MNS1: variants seen among roughly 807,000 people sequenced by gnomAD.
MNS1 encodes meiosis specific nuclear structural 1.
MNS1 carries 63 observed loss-of-function variants against 72.0 expected under a neutral mutation model. The ratio of observed to expected loss-of-function variants is 0.87; its 90% CI spans 0.71 to 1.08. The LOEUF is 1.08. Ranked by LOEUF, MNS1 falls within the 50% of genes least tolerant of loss-of-function variation. The pLI is 0.00. For missense variants in MNS1, 604 were observed against 562.4 expected, an observed-to-expected ratio of 1.07 and a Z score of -0.75; for synonymous variants, 188 against 172.1, an observed-to-expected ratio of 1.09 and a Z score of -0.72.
At chr15:56,452,613 G>A (rs2050955170) in intron 3 of MNS1, among the ~76,000 whole-genome samples, 1 of 151,656 alleles carries the variant, frequency 6.6e-6, no homozygotes, top group African/African-American at 2.4e-5. Context: ...CCGCCTCCCA[G>A]GTTCAAGCGA....
chr15:56,435,955 G>A (rs978902773), intron 7 of MNS1, among the ~76,000 whole-genome samples: 2 of 151,968 alleles, frequency 1.3e-5, no homozygotes, highest in African/African-American at 4.8e-5. Context: ...TGACCAAGTA[G>A]TGTTTATTAC....
chr15:56,454,371 C>T (rs913890033), intron 3 of MNS1, among the ~76,000 whole-genome samples: 2 of 48,234 alleles, frequency 4.1e-5, no homozygotes, highest in Non-Finnish European at 1.0e-4. Context: ...CAATTATACT[C>T]TTTATTTTTA....
intron 3 of MNS1, among the ~76,000 whole-genome samples, chr15:56,449,361 GCT>G (rs1423291607): frequency 6.6e-6 from 1 of 151,770 alleles, no homozygotes; most frequent in East Asian, 1.9e-4. Flanking sequence ...ATATCAATGG[GCT>G]TTTTCTAATC....
chr15:56,434,158 G>C lies in MNS1; in HGVS notation c.1249C>G (p.Gln417Glu). Residue 417 changes from glutamine (Q) to glutamate (E), a missense_variant, in exon 8 of 10, where the codon CAA (glutamine) becomes GAA (glutamate). Physicochemically the swap from Gln to Glu is conservative, Grantham distance 29. Transcript: ENST00000260453. ...AVEKLIEERR[Q>E]QFLADKQREL... ...CTTACTTTGTCTGCAAGGAATTGTT[G>C]GCGACGCTCTTCAATAAGTTTTTCC... 2 of 1,611,554 alleles carry C rather than the reference G, an allele frequency of 1.2e-6. No homozygotes were observed. The highest frequency in any genetic ancestry group is 1.7e-6 in the Non-Finnish European group (2 of 1,179,180).
At chr15:56,448,864 C>G (rs1365899638) in intron 3 of MNS1, among the ~76,000 whole-genome samples, 1 of 151,440 alleles carries the variant, frequency 6.6e-6, no homozygotes, top group Non-Finnish European at 1.5e-5. Flanking sequence ...CGCGATTCTC[C>G]TGTCTCAGCC....
chr15:56,460,030 ATATATG>A (rs1567154828), intron 2 of MNS1, among the ~76,000 whole-genome samples: 2 of 106,088 alleles, frequency 1.9e-5, no homozygotes, highest in South Asian at 3.1e-4. Flanking sequence ...ATATATATAT[ATATATG>A]TGACTATAGT....
At chr15:56,453,150 T>C (rs1332326261) in intron 3 of MNS1, among the ~76,000 whole-genome samples, 5 of 152,206 alleles carry the variant, frequency 3.3e-5, no homozygotes, top group African/African-American at 1.2e-4. Flanking sequence ...GACTTTAACT[T>C]CATTTACTTC....
intron 2 of MNS1, among the ~76,000 whole-genome samples, chr15:56,456,902 T>C (rs1426010356): frequency 6.6e-6 from 1 of 152,186 alleles, no homozygotes; most frequent in African/African-American, 2.4e-5. Context: ...TAATTCAGTA[T>C]GAATATCTAC....
At chr15:56,431,920 T>C (rs1258771036) in intron 8 of MNS1, among the ~76,000 whole-genome samples, 1 of 151,904 alleles carries the variant, frequency 6.6e-6, no homozygotes, top group African/African-American at 2.4e-5. Context: ...TATATAAAGA[T>C]GATATGAAGC....
intron 7 of MNS1, among the ~76,000 whole-genome samples, chr15:56,436,501 T>G (rs889698617): frequency 1.3e-5 from 2 of 151,530 alleles, no homozygotes; most frequent in South Asian, 2.1e-4. Flanking sequence ...ACAAGAAAAA[T>G]CAGGAAAGAT....
intron 3 of MNS1, among the ~76,000 whole-genome samples, chr15:56,452,111 C>T (rs1212550296): frequency 2.0e-5 from 3 of 152,148 alleles, no homozygotes; most frequent in Admixed American, 6.5e-5. Context: ...CTCTTCTCTC[C>T]TGTTTGCTTC....
chr15:56,444,340 A>C, intron 5 of MNS1, 104 bp downstream of exon 5: 1 of 880,436 alleles, frequency 1.1e-6, no homozygotes, highest in South Asian at 1.8e-5. Context: ...TTGAGCACTT[A>C]CTATGTATTA....
intron 7 of MNS1, among the ~76,000 whole-genome samples, chr15:56,437,165 AAG>A (rs1349221651): frequency 4.6e-5 from 7 of 152,324 alleles, no homozygotes; most frequent in African/African-American, 1.7e-4. Flanking sequence ...CCACAAAAAA[AAG>A]AGAATTTAAG....
At chr15:56,452,333 C>A (rs1347274244) in intron 3 of MNS1, among the ~76,000 whole-genome samples, 2 of 152,062 alleles carry the variant, frequency 1.3e-5, no homozygotes, top group African/African-American at 4.8e-5. Context: ...CGCTTAATTC[C>A]CCGAGCAATG....
intron 2 of MNS1, among the ~76,000 whole-genome samples, chr15:56,461,980 T>G (rs1457510164): frequency 0.038 from 1,500 of 39,646 alleles, 57 homozygotes; most frequent in Admixed American, 0.12. Context: ...TTGTTGTTTT[T>G]TTTTTTTTTT....
chr15:56,445,692 G>A (rs2050894914), intron 4 of MNS1: 1 of 152,066 alleles, frequency 6.6e-6, no homozygotes. Context: ...AAGGCTCAGA[G>A]AAAAAGCCAA....
At chr15:56,439,286 A>C (rs1325563720) in intron 7 of MNS1, among the ~76,000 whole-genome samples, 3 of 152,136 alleles carry the variant, frequency 2.0e-5, no homozygotes, top group African/African-American at 4.8e-5. Flanking sequence ...ATAAAGGGAG[A>C]GCCAAATTGT....
intron 2 of MNS1, 51 bp from the exon 3 acceptor site, chr15:56,456,572 T>C: frequency 6.3e-7 from 1 of 1,578,958 alleles, no homozygotes; most frequent in Non-Finnish European, 8.6e-7. Flanking sequence ...CAGATTTTTT[T>C]CATCAAGGTT....
At chr15:56,441,137 C>CT (rs374118806) in intron 7 of MNS1, among the ~76,000 whole-genome samples, 1 of 151,964 alleles carries the variant, frequency 6.6e-6, no homozygotes, top group African/African-American at 2.4e-5. Flanking sequence ...ATTTATTCCC[C>CT]TTTTCTCATT....
Sources: gnomAD v4.1 joint callset for allele counts (sites outside exome capture counted in the v4.1 genomes callset) on GRCh38, gnomAD v4.1.1 for gene constraint, MANE v1.5 for transcripts, NCBI Gene and HGNC (gene_info 2026-07-23, HGNC 2026-07-21) for gene names.